The following COBLL1 variants were observed in gnomAD, a reference collection of about 807,000 sequenced individuals.
COBLL1 encodes cordon-bleu WH2 repeat protein like 1, also known as cordon-bleu protein-like 1.
In COBLL1, 50 loss-of-function variants were observed where a neutral mutation model predicts 94.8. The observed-to-expected ratio is 0.53, with a 90% CI of 0.42 to 0.67. COBLL1 has a LOEUF of 0.67. Among genes scored for constraint, COBLL1 ranks in the 30% least tolerant of loss-of-function variants. COBLL1 has a pLI of 0.00. For synonymous variants in COBLL1, 448 were observed against 473.8 expected (o/e 0.95, Z 0.71); for missense variants, 1,362 against 1,348.7 (o/e 1.01, Z -0.15).
chr2:164,682,375 CTTATT>C lies in COBLL1; in HGVS notation c.*3566_*3570del, dbSNP rs894458272. 9.2e-5 allele frequency: 14 copies of C among 152,146 alleles called. No homozygotes were observed. Among genetic ancestry groups the C allele is most frequent in the Non-Finnish European group, 1.9e-4 (13 of 68,010 alleles). 9.4% of individuals were successfully genotyped at this position (152,146 alleles called of 1,614,324 possible). A position where few individuals can be genotyped will look rare whatever the true frequency, so the allele number is the denominator to read the frequency against. The stretch of plus-strand genomic sequence containing the variant: ...GAGTTTGATTCTTAGTTCTTTGATA[CTTATT>C]TTCTCTACTGGTAGTGGGTACAAAG... On this transcript the variant is annotated 3_prime_UTR_variant, in exon 14 of 14. Transcript: ENST00000652658.
At chr2:164,687,694 C>T (rs781089204) in intron 13 of COBLL1, 28 of 719,600 alleles carry the variant, frequency 3.9e-5, no homozygotes, top group Middle Eastern at 2.4e-4. Flanking sequence ...AGGCTGCATA[C>T]ACCACCAAGG....
At chr2:164,794,668 G>T (rs1366743026) in intron 2 of COBLL1, among the ~76,000 whole-genome samples, 1 of 152,094 alleles carries the variant, frequency 6.6e-6, no homozygotes, top group East Asian at 1.9e-4. Flanking sequence ...ACAGGGAAAG[G>T]AAAGAGAAAG....
At chr2:164,678,091 T>C (rs891866602), downstream of COBLL1, among the ~76,000 whole-genome samples, 1 of 152,144 alleles carries the variant, frequency 6.6e-6, no homozygotes, top group African/African-American at 2.4e-5. Flanking sequence ...TCATATATTA[T>C]GGAAATTAAG....
At chr2:164,791,663 G>A (rs1683195824) in intron 2 of COBLL1, among the ~76,000 whole-genome samples, 1 of 152,082 alleles carries the variant, frequency 6.6e-6, no homozygotes, top group East Asian at 1.9e-4. Flanking sequence ...CTGTTAATTA[G>A]ATATGCCACC....
rs1440601717 is a variant in COBLL1, at chr2:164,695,430, T to C, written c.1962A>G (p.Ser654=). 6.2e-7 allele frequency: 1 copy of C among 1,613,226 alleles called. No homozygotes were observed. The highest frequency in any genetic ancestry group is 1.1e-5 in the South Asian group (1 of 91,050). The change falls in exon 12 of 14, where the codon TCA becomes TCG. Residue 654 remains serine, a synonymous_variant. Transcript: ENST00000652658. The part of the protein sequence containing the change: ...CLSSQDSVNT[S]REFRSQGTLI... Reference sequence around the variant, plus strand: ...GGGTGCCTTGACTCCTGAATTCCCTTGAGGTATTTACAGAATCTTGTGAAC... The same window carrying C: ...GGGTGCCTTGACTCCTGAATTCCCTCGAGGTATTTACAGAATCTTGTGAAC...
chr2:164,689,994 G>C (rs1440982830), intron 13 of COBLL1, among the ~76,000 whole-genome samples: 1 of 152,052 alleles, frequency 6.6e-6, no homozygotes, highest in Non-Finnish European at 1.5e-5. Context: ...GTATTTTTGT[G>C]CACATTGTTG....
Position 164,818,268 on chromosome 2 carries a change from GTA to G in COBLL1, c.41+22886_41+22887del. Among the ~76,000 whole-genome samples, 3 of 100,172 alleles carry G rather than the reference GTA, an allele frequency of 3.0e-5. 1 individual carries two copies. Among genetic ancestry groups the G allele is most frequent in the African/African-American group, 1.3e-4 (3 of 23,828 alleles). The allele number at this position is 100,172 out of a possible 152,430, so 65.7% of individuals were successfully genotyped here. On this transcript the variant is annotated intron_variant, in intron 2 of 13. Transcript: ENST00000652658. ...TACATGTGCATATACACATATACACGTATGTATGTATACATATATGTATGTAT... is the reference window on the plus strand; with the variant it reads ...TACATGTGCATATACACATATACACGTGTATGTATACATATATGTATGTAT...
intron 3 of COBLL1, chr2:164,738,204 T>C (rs888285323): frequency 2.6e-5 from 4 of 152,164 alleles, no homozygotes; most frequent in African/African-American, 9.7e-5. Flanking sequence ...TAGCATGCCA[T>C]TGAATGCTCT....
chr2:164,837,178 A>T (rs1396178889), intron 2 of COBLL1, among the ~76,000 whole-genome samples: 1 of 152,204 alleles, frequency 6.6e-6, no homozygotes, highest in African/African-American at 2.4e-5. Context: ...GTGCTTCAGA[A>T]TCAAAATATT....
At chr2:164,718,244 T>C in intron 7 of COBLL1, 6 of 984,906 alleles carry the variant, frequency 6.1e-6, no homozygotes, top group Non-Finnish European at 7.2e-6. Flanking sequence ...ATTCCTGCCT[T>C]CTGGGTGGGG....
chr2:164,732,151 T>A (rs984901348), intron 3 of COBLL1, among the ~76,000 whole-genome samples: 41 of 152,146 alleles, frequency 2.7e-4, no homozygotes, highest in African/African-American at 9.4e-4. Flanking sequence ...TGTATATATA[T>A]AAAGAAAAAT....
chr2:164,763,271 G>C (rs891810913), intron 2 of COBLL1, among the ~76,000 whole-genome samples: 7 of 149,120 alleles, frequency 4.7e-5, no homozygotes, highest in African/African-American at 1.8e-4. Flanking sequence ...TATCAGGTTT[G>C]AAAAAAATGT....
intron 2 of COBLL1, among the ~76,000 whole-genome samples, chr2:164,828,435 T>G (rs1194233632): frequency 6.6e-6 from 1 of 152,148 alleles, no homozygotes; most frequent in Non-Finnish European, 1.5e-5. Context: ...AATAGGAGAC[T>G]GGTTATATAA....
chr2:164,779,380 C>T (rs1301111153), intron 2 of COBLL1, among the ~76,000 whole-genome samples: 1 of 152,012 alleles, frequency 6.6e-6, no homozygotes, highest in African/African-American at 2.4e-5. Flanking sequence ...CTGGGCTATC[C>T]CAGTCTTCTA....
chr2:164,666,942 C>T (rs917584209), intron 1 of COBLL1, among the ~76,000 whole-genome samples: 9 of 152,120 alleles, frequency 5.9e-5, no homozygotes, highest in African/African-American at 2.2e-4. Flanking sequence ...GCTGTTTTTA[C>T]TTCTTCCCAT....
intron 2 of COBLL1, among the ~76,000 whole-genome samples, chr2:164,765,287 C>A (rs1344292957): frequency 6.6e-6 from 1 of 151,996 alleles, no homozygotes; most frequent in African/African-American, 2.4e-5. Context: ...TTAAGTAGAT[C>A]AAAAAACAAT....
chr2:164,785,195 C>T (rs1489080492), intron 2 of COBLL1, among the ~76,000 whole-genome samples: 1 of 152,082 alleles, frequency 6.6e-6, no homozygotes, highest in Non-Finnish European at 1.5e-5. Context: ...CTGAGACCAG[C>T]CTGAAAAACA....
intron 3 of COBLL1, among the ~76,000 whole-genome samples, chr2:164,735,575 TACAAAAGTAGGACATTA>T (rs535185462): frequency 8.4e-4 from 128 of 152,018 alleles, no homozygotes; most frequent in African/African-American, 2.4e-3. Context: ...GTCATAACAC[TACAAAAGTAGGACATTA>T]ACTTTTAAGC....
Position 164,682,490 on chromosome 2 carries a change from A to G in COBLL1, c.*3456T>C, listed in dbSNP as rs1208059259. On this transcript the variant is annotated 3_prime_UTR_variant, in exon 14 of 14. Transcript: ENST00000652658. ...CCTATAAGTAACTAAGTCTCAGGAC[A>G]AAGATTGGTCTCATTTCAAGGACTT... The G allele has an allele frequency of 6.6e-6, 1 of 152,206 alleles. No homozygotes were observed. Among genetic ancestry groups the G allele is most frequent in the Admixed American group, 6.5e-5 (1 of 15,274 alleles). The allele number at this position is 152,206 out of a possible 1,614,324, so 9.4% of individuals were successfully genotyped here.
Sources: allele counts gnomAD v4.1 joint callset (sites outside exome capture counted in the v4.1 genomes callset), GRCh38; gene constraint gnomAD v4.1.1; transcripts MANE v1.5; gene names NCBI Gene and HGNC (gene_info 2026-07-23, HGNC 2026-07-21).